SCN11A: variants seen among roughly 807,000 people sequenced by gnomAD.
The protein encoded by SCN11A is sodium channel protein type 11 subunit alpha.
SCN11A carries 122 observed loss-of-function variants against 162.2 expected under a neutral mutation model. The ratio of observed to expected loss-of-function variants is 0.75; its 90% confidence interval spans 0.65 to 0.87. The LOEUF (loss-of-function observed/expected upper bound fraction) is 0.87, where lower values mean the gene tolerates loss of function less well. SCN11A is among the 40% of genes least tolerant of loss of function. The pLI is 0.00. For missense variants in SCN11A, 2,015 were observed against 2,181.6 expected, an observed-to-expected ratio of 0.92 and a Z score of 1.52; for synonymous variants, 758 against 751.5, an observed-to-expected ratio of 1.01 and a Z score of -0.14.
At chr3:38,914,407 C>A (rs1347367939) in intron 11 of SCN11A, among the ~76,000 whole-genome samples, 1 of 152,102 alleles carries the variant, frequency 6.6e-6, no homozygotes, top group African/African-American at 2.4e-5. Context: ...ATGGGGTTTT[C>A]TAGATATAGA....
chr3:38,933,411 C>T (rs140073935), intron 7 of SCN11A, among the ~76,000 whole-genome samples: 10,161 of 151,942 alleles, frequency 0.067, 383 homozygotes, highest in Middle Eastern at 0.11. Context: ...AGGCTTCAGA[C>T]GATCAAACTA....
At chr3:38,973,045 T>C (rs964503583) in intron 2 of SCN11A, among the ~76,000 whole-genome samples, 5 of 152,208 alleles carry the variant, frequency 3.3e-5, no homozygotes, top group African/African-American at 4.8e-5. Context: ...TATTAAAATG[T>C]TGAAGTCCAC....
At position 38,847,670 on chromosome 3, in the gene SCN11A, A is replaced by G; in HGVS notation, c.4400T>C (p.Leu1467Ser). Residue 1467 changes from leucine (L) to serine (S), a missense_variant, in exon 30 of 30, where the codon TTG (leucine) becomes TCG (serine). Coordinates refer to ENST00000302328, the MANE Select transcript of SCN11A (RefSeq NM_001349253.2). ...FPPTLFRIVR[L>S]ARIGRILRLV... Reference sequence around the variant, plus strand: ...CCTCAGGATTCGGCCAATCCGAGCCAAGCGGACAATTCTGAAGAGCGTCGG... The same window carrying G: ...CCTCAGGATTCGGCCAATCCGAGCCGAGCGGACAATTCTGAAGAGCGTCGG... The G allele has an allele frequency of 6.2e-7, 1 of 1,613,892 alleles. No homozygotes were observed. The highest frequency in any genetic ancestry group is 8.5e-7 in the Non-Finnish European group (1 of 1,179,776).
intron 19 of SCN11A, among the ~76,000 whole-genome samples, chr3:38,889,974 A>G (rs975806418): frequency 4.1e-5 from 6 of 145,524 alleles, no homozygotes; most frequent in South Asian, 2.2e-4. Context: ...TGAGTTATGG[A>G]AAAAAAAAAA....
chr3:38,992,709 G>A (rs1303289033), intron 2 of SCN11A, among the ~76,000 whole-genome samples: 1 of 152,188 alleles, frequency 6.6e-6, no homozygotes, highest in Non-Finnish European at 1.5e-5. Context: ...CCCCCGGAAG[G>A]TGGCATGGTC....
chr3:38,935,658 C>T (rs1048988889), intron 7 of SCN11A, among the ~76,000 whole-genome samples: 4 of 152,068 alleles, frequency 2.6e-5, no homozygotes, highest in African/African-American at 7.2e-5. Context: ...ACACATACAC[C>T]CTCCCAAGAC....
At chr3:38,893,481 G>A (rs1050980625) in intron 19 of SCN11A, among the ~76,000 whole-genome samples, 1 of 152,100 alleles carries the variant, frequency 6.6e-6, no homozygotes, top group African/African-American at 2.4e-5. Flanking sequence ...GATCAACAGG[G>A]AAATGGAAGA....
At chr3:38,890,173 C>A (rs1203596574) in intron 19 of SCN11A, among the ~76,000 whole-genome samples, 1 of 152,138 alleles carries the variant, frequency 6.6e-6, no homozygotes, top group Admixed American at 6.5e-5. Flanking sequence ...TTCCAGCTTA[C>A]TTGTAGGGCA....
rs145809815 is a variant in SCN11A, at chr3:38,940,963, G to A, written c.488+4448C>T. Among the ~76,000 whole-genome samples, 171 of 152,278 alleles carry A rather than the reference G, an allele frequency of 1.1e-3. 1 individual carries two copies. The East Asian group carries it at 0.026, about 23-fold the overall frequency. ...ATATATATAAGGACAATTATTTGAA[G>A]GCCCTGGAAGGTAAACAAAAGGAGG... On this transcript the variant is annotated intron_variant, in intron 7 of 29. Coordinates refer to ENST00000302328, the MANE Select transcript of SCN11A (RefSeq NM_001349253.2).
chr3:38,967,848 T>C (rs1398960603), intron 2 of SCN11A, among the ~76,000 whole-genome samples: 1 of 152,240 alleles, frequency 6.6e-6, no homozygotes, highest in Non-Finnish European at 1.5e-5. Context: ...GCCCAACTCA[T>C]GAGAGCTCCT....
At chr3:38,912,432 A>T (rs985421001) in intron 11 of SCN11A, among the ~76,000 whole-genome samples, 4 of 152,090 alleles carry the variant, frequency 2.6e-5, no homozygotes, top group African/African-American at 9.7e-5. Context: ...AATACACACC[A>T]ACATCCCCTC....
At chr3:38,886,079 T>C (rs375796460) in intron 20 of SCN11A, 46 bp downstream of exon 20, 7 of 1,216,622 alleles carry the variant, frequency 5.8e-6, no homozygotes, top group Non-Finnish European at 8.5e-6. Flanking sequence ...GGAGAAGGTG[T>C]GTGGATGAGC....
intron 7 of SCN11A, among the ~76,000 whole-genome samples, chr3:38,932,308 A>C (rs2066253595): frequency 6.6e-6 from 1 of 152,186 alleles, no homozygotes; most frequent in African/African-American, 2.4e-5. Context: ...AAGATGGGTG[A>C]TTTCTGCATT....
At chr3:38,937,150 G>A (rs1302854597) in intron 7 of SCN11A, among the ~76,000 whole-genome samples, 13 of 152,070 alleles carry the variant, frequency 8.5e-5, no homozygotes, top group East Asian at 5.8e-4. Context: ...AAATGGTGCT[G>A]GGAAAACTGG....
intron 19 of SCN11A, among the ~76,000 whole-genome samples, chr3:38,887,442 G>T (rs1384947581): frequency 1.6e-5 from 2 of 126,608 alleles, no homozygotes; most frequent in Non-Finnish European, 3.3e-5. Flanking sequence ...GTTGTGGGGT[G>T]GGGGGAGGGG....
chr3:39,028,017 T>C (rs2031633733), intron 2 of SCN11A, among the ~76,000 whole-genome samples: 1 of 152,212 alleles, frequency 6.6e-6, no homozygotes, highest in African/African-American at 2.4e-5. Flanking sequence ...GCCTGGATTT[T>C]TCTCCCATCT....
intron 7 of SCN11A, among the ~76,000 whole-genome samples, chr3:38,930,816 G>A (rs1397123425): frequency 3.3e-5 from 5 of 152,082 alleles, no homozygotes; most frequent in Non-Finnish European, 7.4e-5. Context: ...CGTATCCACT[G>A]TTCATCCAAA....
At chr3:38,903,822 A>C in intron 16 of SCN11A, 43 bp downstream of exon 16, 1 of 1,395,636 alleles carries the variant, frequency 7.2e-7, no homozygotes, top group Non-Finnish European at 9.8e-7. Context: ...TTATACTTTA[A>C]AGTATGAAAT....
intron 1 of SCN11A, among the ~76,000 whole-genome samples, chr3:39,047,032 AC>A (rs1272808141): frequency 3.1e-3 from 114 of 36,822 alleles, no homozygotes; most frequent in Non-Finnish European, 4.7e-3. Context: ...CCCACCCCCC[AC>A]CCCCACCCCC....
Sources: gnomAD v4.1 joint callset for allele counts (sites outside exome capture counted in the v4.1 genomes callset) on GRCh38, gnomAD v4.1.1 for gene constraint, MANE v1.5 for transcripts, NCBI Gene and HGNC (gene_info 2026-07-23, HGNC 2026-07-21) for gene names.